Variants in FANCG observed in about 807,000 individuals in gnomAD.
FANCG encodes the protein FA complementation group G, also known as Fanconi anemia group G protein.
A neutral mutation model predicts 73.3 loss-of-function variants in FANCG; 67 were observed. That is an observed-to-expected ratio of 0.91 (90% CI 0.75 to 1.12). The LOEUF (loss-of-function observed/expected upper bound fraction) is 1.12. Among genes scored for constraint, FANCG ranks in the 50% most tolerant of loss-of-function variants. FANCG has a pLI of 0.00. For synonymous variants in FANCG, 297 were observed against 311.6 expected (o/e 0.95, Z 0.49); for missense variants, 643 against 735.6 (o/e 0.87, Z 1.46).
chr9:35,075,432 CCCTCCA>C, intron 10 of FANCG, 27 bp downstream of exon 10: 1 of 1,614,026 alleles, frequency 6.2e-7, no homozygotes, highest in East Asian at 2.2e-5. Context: ...AGAAAATCAT[CCCTCCA>C]CACCCCCTCT....
At chr9:35,076,671 C>T in intron 7 of FANCG, 53 bp downstream of exon 7, 2 of 1,614,172 alleles carry the variant, frequency 1.2e-6, no homozygotes, top group Non-Finnish European at 1.7e-6. Flanking sequence ...GTCACCCCAT[C>T]ACAAGCACCT....
At position 35,074,064 on chromosome 9, in the gene FANCG, A is replaced by T. The variant is rs778912220; in HGVS notation, c.*44T>A. The T allele has an allele frequency of 1.4e-6, 2 of 1,391,454 alleles. No individual in the cohort carries two copies. Among genetic ancestry groups the T allele is most frequent in the South Asian group, 2.3e-5 (2 of 86,494 alleles). 86.2% of individuals were successfully genotyped at this position (1,391,454 alleles called of 1,614,324 possible). On this transcript the variant is annotated 3_prime_UTR_variant, in exon 14 of 14. Coordinates refer to ENST00000378643, the MANE Select transcript of FANCG (RefSeq NM_004629.2). ...AGCAGAAAGCCCTCCCCACAGAGAG[A>T]CAGCCCACTGGGGACCCAGCTCAAG...
intron 10 of FANCG, 49 bp from the exon 11 acceptor site, chr9:35,075,374 T>G: frequency 6.2e-7 from 1 of 1,613,662 alleles, no homozygotes; most frequent in Non-Finnish European, 8.5e-7. Flanking sequence ...TTTCAGAAAC[T>G]CTAGGGTAAG....
intron 10 of FANCG, 22 bp from the exon 11 acceptor site, chr9:35,075,347 G>C (rs764902323): frequency 6.2e-7 from 1 of 1,614,002 alleles, no homozygotes; most frequent in South Asian, 1.1e-5. Context: ...CACAGAACAG[G>C]GGTGAAGAGG....
At chr9:35,075,164 G>T in intron 11 of FANCG, 82 bp from the exon 12 acceptor site, 1 of 1,607,556 alleles carries the variant, frequency 6.2e-7, no homozygotes, top group Non-Finnish European at 8.5e-7. Context: ...ATTTCTTCTT[G>T]TGTCCACAGT....
At position 35,076,566 on chromosome 9, in the gene FANCG, GC is replaced by G. The variant is rs768083289; in HGVS notation, c.941del (p.Cys314SerfsTer12). The G allele has an allele frequency of 1.9e-6, 3 of 1,614,184 alleles. No individual in the cohort carries two copies. The highest frequency in any genetic ancestry group is 2.5e-6 in the Non-Finnish European group (3 of 1,180,034). On this transcript the variant is annotated frameshift_variant, in exon 8 of 14. Coordinates refer to ENST00000378643, the MANE Select transcript of FANCG (RefSeq NM_004629.2). LOFTEE classifies it high-confidence loss of function. ...TGAGAAACTGCGGGGCTTTGGAACT[GC>G]ATGGGACATTCAAGGCCTAAAAGAG... is the stretch of plus-strand genomic sequence containing the variant. Reference protein sequence around the residue: ...ELLVEALNVPCSSKAPQFLIE... With the variant: ...ELLVEALNVPXSSKAPQFLIE...
Position 35,076,710 on chromosome 9 carries a change from T to A in FANCG, c.924+14A>T, listed in dbSNP as rs1829090910. On this transcript the variant is annotated intron_variant, in intron 7 of 13. Coordinates refer to ENST00000378643, the MANE Select transcript of FANCG (RefSeq NM_004629.2). ...GAATCCTCCACCCCACATCTTCACC[T>A]GGCAGTTCCCTACCTCAACTAGCAG... 6.2e-7 allele frequency: 1 copy of A among 1,614,112 alleles called. No homozygotes were observed.
At position 35,079,835 on chromosome 9, in the gene FANCG, A is replaced by T. The variant is rs886063900; in HGVS notation, c.-311T>A. 1 of 477,062 alleles carries T rather than the reference A, an allele frequency of 2.1e-6. No individual in the cohort carries two copies. Among genetic ancestry groups the T allele is most frequent in the Non-Finnish European group, 3.9e-6 (1 of 257,028 alleles). The allele number at this position is 477,062 out of a possible 1,614,324, so 29.6% of individuals were successfully genotyped here. A position where few individuals can be genotyped will look rare whatever the true frequency, so the allele number is the denominator to read the frequency against. On this transcript the variant is annotated 5_prime_UTR_variant, in exon 1 of 14. Transcript: ENST00000378643. ...GGGGAGGAAACGAGTCAGCAACCCC[A>T]AACAGGCTTAGGCGGGCTAGAAGCC... is the stretch of plus-strand genomic sequence containing the variant.
rs772542885 is a variant in FANCG, at chr9:35,075,457, G to T, written c.1433+8C>A. On this transcript the variant is annotated splice_region_variant and intron_variant, in intron 10 of 13. Coordinates refer to ENST00000378643, the MANE Select transcript of FANCG (RefSeq NM_004629.2). ...CCCTCCACACCCCCTCTAGGACCCC[G>T]GGCTCACCTGCTAAATTCACTAATT... 1 of 1,613,906 alleles carries T rather than the reference G, an allele frequency of 6.2e-7. No individual in the cohort carries two copies. The highest frequency in any genetic ancestry group is 8.5e-7 in the Non-Finnish European group (1 of 1,180,004).
intron 2 of FANCG, 130 bp from the exon 3 acceptor site, chr9:35,078,866 C>G: frequency 1.5e-6 from 2 of 1,293,012 alleles, no homozygotes; most frequent in Admixed American, 2.0e-5. Context: ...AGCCAATTAG[C>G]TAAGGATTTA....
chr9:35,074,802 T>G (rs1410234717), intron 12 of FANCG, 125 bp downstream of exon 12: 2 of 1,252,546 alleles, frequency 1.6e-6, no homozygotes, highest in Non-Finnish European at 2.3e-6. Flanking sequence ...TAGGTATATA[T>G]AGCACAACCC....
At chr9:35,075,372 ACT>A (rs767398356) in intron 10 of FANCG, 47 bp from the exon 11 acceptor site, 1 of 1,613,692 alleles carries the variant, frequency 6.2e-7, no homozygotes, top group Non-Finnish European at 8.5e-7. Flanking sequence ...AATTTCAGAA[ACT>A]CTAGGGTAAG....
intron 9 of FANCG, 53 bp from the exon 10 acceptor site, chr9:35,075,807 A>G: frequency 6.4e-7 from 1 of 1,556,868 alleles, no homozygotes; most frequent in Non-Finnish European, 8.8e-7. Context: ...ACCATCCCCA[A>G]CCTCTTCACC....
In FANCG at chr9:35,076,601, A is replaced by C. The variant is rs1829088402; in HGVS notation, c.925-18T>G. The C allele has an allele frequency of 1.4e-5, 23 of 1,613,988 alleles. No individual in the cohort carries two copies. Among genetic ancestry groups the C allele is most frequent in the Non-Finnish European group, 1.9e-5 (23 of 1,180,018 alleles). ...TTCAAGGCCTAAAAGAGAAAGAAAA[A>C]AATTGTATCTATAATCTTTGGGAGC... On this transcript the variant is annotated intron_variant, in intron 7 of 13. Coordinates refer to ENST00000378643, the MANE Select transcript of FANCG (RefSeq NM_004629.2).
At position 35,079,485 on chromosome 9, in the gene FANCG, C is replaced by T. The variant is rs1430795521; in HGVS notation, c.40G>A (p.Asp14Asn). Residue 14 changes from aspartate (D) to asparagine (N), a missense_variant, in exon 1 of 14, where the codon GAC becomes AAC. Asp to Asn is a conservative substitution (Grantham distance 23). Coordinates refer to ENST00000378643, the MANE Select transcript of FANCG (RefSeq NM_004629.2). ...CGGTCATTCTTTTCCCTCCACAGGT[C>T]CAGGCAGCTGGAGCCCACAGAGGTG... ...QTTSVGSSCL[D>N]LWREKNDRLV... The T allele has an allele frequency of 1.2e-6, 2 of 1,614,160 alleles. No individual in the cohort carries two copies. Among genetic ancestry groups the T allele is most frequent in the South Asian group, 1.1e-5 (1 of 91,084 alleles).
At chr9:35,077,488 A>C in intron 4 of FANCG, 89 bp from the exon 5 acceptor site, 11 of 1,553,416 alleles carry the variant, frequency 7.1e-6, no homozygotes, top group East Asian at 4.5e-5. Flanking sequence ...CCTTGAGCTC[A>C]AGGGTCCTCT....
At chr9:35,076,395 T>C in intron 8 of FANCG, 37 bp downstream of exon 8, 1 of 1,611,624 alleles carries the variant, frequency 6.2e-7, no homozygotes, top group Non-Finnish European at 8.5e-7. Context: ...GCATCAGAAG[T>C]GGGAAGAGAA....
rs2131054090 is a variant in FANCG, at chr9:35,075,659, G to A, written c.1239C>T (p.Ala413=). ...TGAGCAACTCCTCACATAGAGTCAAGGCATCTTGGGCTCTGCCTGCCTGGA... is the reference window on the plus strand; with the variant it reads ...TGAGCAACTCCTCACATAGAGTCAAAGCATCTTGGGCTCTGCCTGCCTGGA... ...ALIQAGRAQD[A]LTLCEELLSR... is the part of the protein sequence containing the mutation. The change falls in exon 10 of 14, where the codon GCC becomes GCT. Residue 413 remains alanine, a synonymous_variant. Transcript: ENST00000378643. The A allele has an allele frequency of 6.2e-7, 1 of 1,611,122 alleles. No individual in the cohort carries two copies. Among genetic ancestry groups the A allele is most frequent in the South Asian group, 1.1e-5 (1 of 91,006 alleles).
At position 35,075,285 on chromosome 9, in the gene FANCG, CTT is replaced by C. The variant is rs1251811392; in HGVS notation, c.1472_1473del (p.Lys491ArgfsTer9). On this transcript the variant is annotated frameshift_variant, in exon 11 of 14. Transcript: ENST00000378643. LOFTEE classifies it high-confidence loss of function. ...AACTGAAAGTTTAGATCACCTTGTT[CTT>C]TTTCCTCAGGTGTGGCCCGGAAGAG... The part of the protein sequence containing the change: ...ELLFRATPEE[K>X]EQGAAFNCEQ... The C allele has an allele frequency of 3.1e-6, 5 of 1,614,152 alleles. No individual in the cohort carries two copies. In the South Asian group the frequency reaches 5.5e-5, roughly 18 times the overall value.
Sources: gnomAD v4.1 joint callset for allele counts on GRCh38, gnomAD v4.1.1 for gene constraint, MANE v1.5 for transcripts, NCBI Gene and HGNC (gene_info 2026-07-23, HGNC 2026-07-21) for gene names.